Variants in ADARB1 observed in about 807,000 individuals in gnomAD.
The protein encoded by ADARB1 is double-stranded RNA-specific editase 1.
In ADARB1, 10 loss-of-function variants were observed where a neutral mutation model predicts 52.4. The observed-to-expected ratio is 0.19, with a 90% CI of 0.12 to 0.32. ADARB1 has a LOEUF of 0.32. Among genes scored for constraint, ADARB1 ranks in the 10% least tolerant of loss-of-function variants. ADARB1 has a pLI of 1.00. For synonymous variants in ADARB1, 349 were observed against 371.1 expected (o/e 0.94, Z 0.68); for missense variants, 643 against 922.3 (o/e 0.70, Z 3.92).
rs1427827004 is a variant in ADARB1, at chr21:45,200,972, C to T, written c.1566-3583C>T. On this transcript the variant is annotated intron_variant, in intron 8 of 10. Coordinates refer to ENST00000348831, the MANE Select transcript of ADARB1 (RefSeq NM_001112.4). The surrounding 1 kb of genome is among the most constrained non-coding windows in gnomAD (Gnocchi z 5.0). ...CAAGGAAAATGAAAGACGAAGAAGG[C>T]CAGGCACAGATGCCTAGACCCGGGT... 1.3e-5 allele frequency among the ~76,000 whole-genome samples: 2 copies of T among 152,214 alleles called. No homozygotes were observed. The highest frequency in any genetic ancestry group is 2.4e-5 in the African/African-American group (1 of 41,452).
chr21:45,177,322 A>G (rs2091740226), intron 4 of ADARB1: 1 of 152,440 alleles, frequency 6.6e-6, no homozygotes, highest in Non-Finnish European at 1.5e-5. Flanking sequence ...CTCTACTTTG[A>G]ATTTCCTACA....
chr21:45,185,416 T>A (rs1189293675), intron 8 of ADARB1, among the ~76,000 whole-genome samples: 4 of 152,260 alleles, frequency 2.6e-5, no homozygotes, highest in Non-Finnish European at 5.9e-5. Context: ...TTAAAACTAC[T>A]GGCTTCTCCT....
chr21:45,217,192 C>T (rs1256367192), intron 9 of ADARB1, among the ~76,000 whole-genome samples: 1 of 151,964 alleles, frequency 6.6e-6, no homozygotes, highest in African/African-American at 2.4e-5. Context: ...GTACTTAGAC[C>T]ATTTACATTT....
In ADARB1 at chr21:45,204,754, G is replaced by A; in HGVS notation, c.1747+18G>A. The stretch of plus-strand genomic sequence containing the variant: ...GCTCAGTGGCAAGTATCTCTAGAGT[G>A]TGCTGATTTAATCTCTGTCTTGATT... On this transcript the variant is annotated intron_variant, in intron 9 of 10. Coordinates refer to ENST00000348831, the MANE Select transcript of ADARB1 (RefSeq NM_001112.4). The surrounding 1 kb of genome is among the most constrained non-coding windows in gnomAD (Gnocchi z 4.4). 2 of 1,608,106 alleles carry A rather than the reference G, an allele frequency of 1.2e-6. No homozygotes were observed. The highest frequency in any genetic ancestry group is 2.2e-5 in the South Asian group (2 of 90,414).
chr21:45,224,901 G>A lies in ADARB1; in HGVS notation c.*2704G>A. 1.0e-6 allele frequency: 1 copy of A among 985,654 alleles called. No homozygotes were observed. Among genetic ancestry groups the A allele is most frequent in the Non-Finnish European group, 1.2e-6 (1 of 829,906 alleles). The allele number at this position is 985,654 out of a possible 1,614,324, so 61.1% of individuals were successfully genotyped here. ...TCCCTCCCTTCTGAGCGCTCGGTGT[G>A]CACTTTTAGACTATAGCTGTTTCAT... On this transcript the variant is annotated 3_prime_UTR_variant, in exon 11 of 11. Coordinates refer to ENST00000348831, the MANE Select transcript of ADARB1 (RefSeq NM_001112.4).
In ADARB1 at chr21:45,151,204, C is replaced by T. The variant is rs111468013; in HGVS notation, c.-47-20406C>T. Among the ~76,000 whole-genome samples, 1,010 of 152,220 alleles carry T rather than the reference C, an allele frequency of 6.6e-3. 12 individuals are homozygous for T. Among genetic ancestry groups the T allele is most frequent in the African/African-American group, 0.021 (890 of 41,516 alleles). On this transcript the variant is annotated intron_variant, in intron 2 of 10. Transcript: ENST00000348831. Reference sequence around the variant, plus strand: ...AGTGTCAGGGGTGGCTGAACTCTGCCGCTACTAGGAGAAAGTGCAGCTCAT... The same window carrying T: ...AGTGTCAGGGGTGGCTGAACTCTGCTGCTACTAGGAGAAAGTGCAGCTCAT...
chr21:45,210,327 T>C (rs1216923068), intron 9 of ADARB1, among the ~76,000 whole-genome samples: 1 of 152,202 alleles, frequency 6.6e-6, no homozygotes, highest in Non-Finnish European at 1.5e-5. Flanking sequence ...GACACGGTGA[T>C]AGGGGATCTG....
intron 9 of ADARB1, among the ~76,000 whole-genome samples, chr21:45,214,007 C>A (rs917194493): frequency 2.0e-5 from 3 of 152,148 alleles, no homozygotes; most frequent in Non-Finnish European, 4.4e-5. Flanking sequence ...ACATTACCAC[C>A]ACTAGTGTGC....
intron 1 of ADARB1, among the ~76,000 whole-genome samples, chr21:45,108,281 A>G (rs1195138170): frequency 6.6e-6 from 1 of 152,216 alleles, no homozygotes; most frequent in Non-Finnish European, 1.5e-5. Flanking sequence ...TTACCAAGAT[A>G]CCATTTCTTA....
intron 1 of ADARB1, among the ~76,000 whole-genome samples, chr21:45,076,956 AAG>A (rs2085962734): frequency 6.6e-6 from 1 of 152,198 alleles, no homozygotes; most frequent in Non-Finnish European, 1.5e-5. Context: ...AAAGATAAGC[AAG>A]CACACAGTAC....
At chr21:45,102,503 G>A (rs1169666517) in intron 1 of ADARB1, among the ~76,000 whole-genome samples, 1 of 152,146 alleles carries the variant, frequency 6.6e-6, no homozygotes, top group Non-Finnish European at 1.5e-5. Flanking sequence ...GCTGATTCTA[G>A]GACTGGGCAG....
intron 2 of ADARB1, among the ~76,000 whole-genome samples, chr21:45,131,620 C>T (rs531866668): frequency 3.3e-5 from 5 of 152,310 alleles, no homozygotes; most frequent in African/African-American, 7.2e-5. Context: ...GCATCGCTGC[C>T]GCCTCCTGCT....
intron 2 of ADARB1, among the ~76,000 whole-genome samples, chr21:45,132,678 A>AT (rs1229882327): frequency 2.0e-5 from 3 of 151,922 alleles, no homozygotes; most frequent in Non-Finnish European, 4.4e-5. Flanking sequence ...TTGGTGGCAC[A>AT]TTTTTTTTGT....
At chr21:45,174,227 T>TA (rs2091597931) in intron 3 of ADARB1, among the ~76,000 whole-genome samples, 1 of 152,206 alleles carries the variant, frequency 6.6e-6, no homozygotes, top group African/African-American at 2.4e-5. Context: ...CTTTAAAAAA[T>TA]ACAGATTTTT....
At chr21:45,201,734 C>G (rs980174097) in intron 8 of ADARB1, among the ~76,000 whole-genome samples, 2 of 152,120 alleles carry the variant, frequency 1.3e-5, no homozygotes, top group Non-Finnish European at 2.9e-5. Context: ...AGGATGGGAG[C>G]AGAGAGTCCA....
At chr21:45,190,890 C>T (rs1481731137) in intron 8 of ADARB1, among the ~76,000 whole-genome samples, 1 of 152,216 alleles carries the variant, frequency 6.6e-6, no homozygotes, top group African/African-American at 2.4e-5. Context: ...GAGGCTTCCT[C>T]CCACTTAGGG....
chr21:45,119,625 G>A (rs2088040079), intron 1 of ADARB1, among the ~76,000 whole-genome samples: 1 of 152,162 alleles, frequency 6.6e-6, no homozygotes. Flanking sequence ...TGCCTTGATG[G>A]TGTGTTGCAA....
In ADARB1 at chr21:45,200,607, G is replaced by A. The variant is rs115740386; in HGVS notation, c.1566-3948G>A. On this transcript the variant is annotated intron_variant, in intron 8 of 10. Transcript: ENST00000348831. This position sits in a 1 kb window ranked among gnomAD's most constrained non-coding sequence, Gnocchi z 5.0. ...TTGTAGGGAAAGGGGGAGGCTTTGG[G>A]TATGTTCTGATGGAGGTAGGGGAAG... Among the ~76,000 whole-genome samples the A allele has an allele frequency of 1.0e-2, 1,520 of 152,246 alleles. 19 individuals carry two copies. Among genetic ancestry groups the A allele is most frequent in the African/African-American group, 0.035 (1,434 of 41,528 alleles).
At chr21:45,076,388 C>T (rs2123591537) in intron 1 of ADARB1, among the ~76,000 whole-genome samples, 1 of 152,310 alleles carries the variant, frequency 6.6e-6, no homozygotes, top group Admixed American at 6.5e-5. Flanking sequence ...GATGAACTCA[C>T]ACAGACTCTG....
Sources: gnomAD v4.1 joint callset for allele counts (sites outside exome capture counted in the v4.1 genomes callset) on GRCh38, gnomAD v4.1.1 for gene constraint, Gnocchi (gnomAD v3.1) non-coding constraint, MANE v1.5 for transcripts, NCBI Gene and HGNC (gene_info 2026-07-23, HGNC 2026-07-21) for gene names.